BICD2: variants seen among roughly 807,000 people sequenced by gnomAD.
BICD2 encodes protein bicaudal D homolog 2.
A neutral mutation model predicts 72.9 loss-of-function variants in BICD2; 25 were observed. The ratio of observed to expected loss-of-function variants is 0.34; its 90% confidence interval spans 0.25 to 0.48. The LOEUF is 0.48. Ranked by LOEUF, BICD2 falls within the 20% of genes least tolerant of loss-of-function variation. The pLI, the probability that BICD2 is intolerant of heterozygous loss-of-function variation, is 0.99. For synonymous variants in BICD2, 501 were observed against 516.1 expected (o/e 0.97, Z 0.40); for missense variants, 894 against 1,175.2 (o/e 0.76, Z 3.50).
intron 1 of BICD2, among the ~76,000 whole-genome samples, chr9:92,731,687 C>A (rs555888785): frequency 3.0e-4 from 45 of 152,146 alleles, no homozygotes; most frequent in Admixed American, 7.9e-4. Context: ...TGGAAGATGG[C>A]GGAAGATGGC....
intron 1 of BICD2, among the ~76,000 whole-genome samples, chr9:92,739,892 G>C (rs1171756440): frequency 1.3e-5 from 2 of 152,100 alleles, no homozygotes; most frequent in African/African-American, 4.8e-5. Flanking sequence ...TGCTGTTCAG[G>C]GTCCTGCCCT....
intron 1 of BICD2, among the ~76,000 whole-genome samples, chr9:92,729,776 G>A (rs1853643180): frequency 6.6e-6 from 1 of 152,244 alleles, no homozygotes; most frequent in Non-Finnish European, 1.5e-5. Context: ...CCAGCACAGT[G>A]TACCACCCAC....
At chr9:92,757,193 G>A (rs368149156) in intron 1 of BICD2, among the ~76,000 whole-genome samples, 66 of 151,558 alleles carry the variant, frequency 4.4e-4, no homozygotes, top group African/African-American at 1.5e-3. Context: ...GTGCACCTAT[G>A]GTCCCAGCTA....
intron 1 of BICD2, among the ~76,000 whole-genome samples, chr9:92,757,341 T>A (rs9775970): frequency 0.23 from 30,588 of 132,226 alleles, 4,500 homozygotes; most frequent in East Asian, 0.73. Flanking sequence ...AAAAAAAAAT[T>A]GAGAAGGCCT....
At chr9:92,742,393 C>CT (rs1404333809) in intron 1 of BICD2, among the ~76,000 whole-genome samples, 19 of 115,612 alleles carry the variant, frequency 1.6e-4, no homozygotes, top group South Asian at 2.8e-4. Flanking sequence ...TTTTTTTTTT[C>CT]TTTTTTTTTG....
At chr9:92,728,605 T>A (rs1853614138) in intron 2 of BICD2, among the ~76,000 whole-genome samples, 1 of 152,200 alleles carries the variant, frequency 6.6e-6, no homozygotes, top group South Asian at 2.1e-4. Flanking sequence ...TTTGTGTTCT[T>A]ATTACAGCTG....
At chr9:92,745,030 T>TAACATC (rs1853981133) in intron 1 of BICD2, among the ~76,000 whole-genome samples, 1 of 152,152 alleles carries the variant, frequency 6.6e-6, no homozygotes, top group Non-Finnish European at 1.5e-5. Context: ...ATTCATAAAA[T>TAACATC]GGATAATATC....
chr9:92,750,342 G>T (rs577244890), intron 1 of BICD2, among the ~76,000 whole-genome samples: 1 of 152,172 alleles, frequency 6.6e-6, no homozygotes, highest in South Asian at 2.1e-4. Context: ...GAACTTGTAC[G>T]TGAATGTTTA....
At chr9:92,719,641 AG>A in intron 4 of BICD2, 59 bp from the exon 5 acceptor site, 1 of 1,482,170 alleles carries the variant, frequency 6.7e-7, no homozygotes, top group Non-Finnish European at 9.0e-7. Flanking sequence ...GAGAGCTTGG[AG>A]GACCCCCAAG....
At chr9:92,722,113 A>T (rs1853474791) in intron 3 of BICD2, among the ~76,000 whole-genome samples, 1 of 152,256 alleles carries the variant, frequency 6.6e-6, no homozygotes, top group African/African-American at 2.4e-5. Context: ...GTGGCAGAAC[A>T]GCAGAGCACA....
chr9:92,733,959 T>TC (rs1397766382), intron 1 of BICD2, among the ~76,000 whole-genome samples: 2 of 150,564 alleles, frequency 1.3e-5, no homozygotes, highest in African/African-American at 4.9e-5. Flanking sequence ...AGAGCAAGAC[T>TC]CCGTCTTAAA....
chr9:92,759,582 C>A (rs1199127682), intron 1 of BICD2, among the ~76,000 whole-genome samples: 1 of 152,170 alleles, frequency 6.6e-6, no homozygotes, highest in Non-Finnish European at 1.5e-5. Context: ...GGTTTGAGCC[C>A]AAGGAGGCAG....
chr9:92,727,977 C>T (rs1037408216), intron 2 of BICD2, among the ~76,000 whole-genome samples: 21 of 152,190 alleles, frequency 1.4e-4, no homozygotes, highest in African/African-American at 4.8e-4. Context: ...CCACAGACAC[C>T]GAGGCCCTGG....
Position 92,742,708 on chromosome 9 carries a change from C to G in BICD2, c.241-13472G>C, listed in dbSNP as rs142365633. ...TAATTCCACATTTCTATCACCCCCC[C>G]CAAAGAAACTCTGTCCCCATTAGCA... On this transcript the variant is annotated intron_variant, in intron 1 of 6. Transcript: ENST00000356884. 5.1e-3 allele frequency among the ~76,000 whole-genome samples: 770 copies of G among 152,154 alleles called. 3 individuals are homozygous for G. Among genetic ancestry groups the G allele is most frequent in the Non-Finnish European group, 7.5e-3 (511 of 67,984 alleles).
intron 1 of BICD2, among the ~76,000 whole-genome samples, chr9:92,761,611 G>C (rs1425271074): frequency 1.3e-5 from 2 of 152,214 alleles, no homozygotes; most frequent in Non-Finnish European, 2.9e-5. Flanking sequence ...TACAGTCCCT[G>C]CCTGTGCCCT....
chr9:92,759,855 A>G (rs527828505), intron 1 of BICD2, among the ~76,000 whole-genome samples: 1 of 152,296 alleles, frequency 6.6e-6, no homozygotes, highest in Admixed American at 6.5e-5. Context: ...TGACTGGGGG[A>G]TGCCCAAAAC....
chr9:92,728,507 T>C (rs911538340), intron 2 of BICD2, among the ~76,000 whole-genome samples: 1 of 151,892 alleles, frequency 6.6e-6, no homozygotes, highest in East Asian at 1.9e-4. Flanking sequence ...AAGGCAGGGG[T>C]GTGGCAGCTG....
chr9:92,743,884 T>A (rs185428007), intron 1 of BICD2, among the ~76,000 whole-genome samples: 1 of 152,120 alleles, frequency 6.6e-6, no homozygotes, highest in Admixed American at 6.5e-5. Context: ...AAGTGGCCAG[T>A]AAACACAGGA....
In BICD2 at chr9:92,714,455, A is replaced by C. The variant is rs922619151; in HGVS notation, c.*699T>G. ...TCTGTCACCTCACAGGCCACTATAC[A>C]AGCATCCTGATCTCAGAAATGAGAA... is the stretch of plus-strand genomic sequence containing the variant. On this transcript the variant is annotated 3_prime_UTR_variant, in exon 7 of 7. Transcript: ENST00000356884. 1 of 985,336 alleles carries C rather than the reference A, an allele frequency of 1.0e-6. No homozygotes were observed. Among genetic ancestry groups the C allele is most frequent in the Non-Finnish European group, 1.2e-6 (1 of 829,954 alleles). The allele number at this position is 985,336 out of a possible 1,614,324, so 61.0% of individuals were successfully genotyped here.
Sources: gnomAD v4.1 joint callset for allele counts (sites outside exome capture counted in the v4.1 genomes callset) on GRCh38, gnomAD v4.1.1 for gene constraint, MANE v1.5 for transcripts, NCBI Gene and HGNC (gene_info 2026-07-23, HGNC 2026-07-21) for gene names.